SRSF6: variants seen among roughly 807,000 people sequenced by gnomAD.
SRSF6 encodes serine and arginine rich splicing factor 6.
A neutral mutation model predicts 42.0 loss-of-function variants in SRSF6; 17 were observed. That is an observed-to-expected ratio of 0.40 (90% CI 0.28 to 0.61). The LOEUF (loss-of-function observed/expected upper bound fraction) is 0.61, where lower values mean the gene tolerates loss of function less well. Ranked by LOEUF, SRSF6 falls within the 20% of genes least tolerant of loss-of-function variation. SRSF6 has a pLI of 0.37. For synonymous variants in SRSF6, 204 were observed against 166.7 expected, an observed-to-expected ratio of 1.22 and a Z score of -1.72; for missense variants, 379 against 471.4, an observed-to-expected ratio of 0.80 and a Z score of 1.81.
Position 43,461,334 on chromosome 20 carries a change from GTTGTTTTTTTTTTT to G in SRSF6, c.*274_*287del, listed in dbSNP as rs1474635919. 940 of 56,464 alleles carry G rather than the reference GTTGTTTTTTTTTTT, an allele frequency of 0.017. 54 individuals carry two copies. The highest frequency in any genetic ancestry group is 0.03 in the African/African-American group (405 of 13,574). The allele number at this position is 56,464 out of a possible 1,614,324, so 3.5% of individuals were successfully genotyped here. ...TTTGTAAAGATTAAGCTCATTTAGT[GTTGTTTTTTTTTTT>G]TTTTTTTTTTTTTTTTTTTTTTTTT... On this transcript the variant is annotated 3_prime_UTR_variant, in exon 6 of 6. Transcript: ENST00000244020.
chr20:43,458,744 C>T (rs1226056742), intron 2 of SRSF6, among the ~76,000 whole-genome samples: 1 of 152,168 alleles, frequency 6.6e-6, no homozygotes, highest in Admixed American at 6.5e-5. Context: ...GTGGCTTCTT[C>T]TGGCCCCTTG....
intron 1 of SRSF6, 54 bp downstream of exon 1, chr20:43,458,194 A>G: frequency 6.3e-7 from 1 of 1,575,372 alleles, no homozygotes; most frequent in Admixed American, 1.8e-5. Flanking sequence ...TGGCGGCGGG[A>G]ACTCTCCAAG....
chr20:43,458,815 C>T (rs1362034383), intron 2 of SRSF6, among the ~76,000 whole-genome samples: 2 of 148,594 alleles, frequency 1.3e-5, no homozygotes, highest in East Asian at 3.9e-4. Context: ...TTGTTGTATT[C>T]TCCTTACTTA....
Position 43,461,757 on chromosome 20 carries a change from ATAAAAG to A in SRSF6, c.*695_*700del, listed in dbSNP as rs2017604860. The A allele has an allele frequency of 6.6e-6, 1 of 152,656 alleles. No homozygotes were observed. The highest frequency in any genetic ancestry group is 2.1e-4 in the South Asian group (1 of 4,834). The allele number at this position is 152,656 out of a possible 1,614,324, so 9.5% of individuals were successfully genotyped here. ...TGCCCCTTTAACAAGTTGAGTAAAA[ATAAAAG>A]GTATTTTTTAGTCAATGTGTTCCAT... On this transcript the variant is annotated 3_prime_UTR_variant, in exon 6 of 6. Coordinates refer to ENST00000244020, the MANE Select transcript of SRSF6 (RefSeq NM_006275.6).
chr20:43,457,948 C>T lies in SRSF6; in HGVS notation c.-86C>T, dbSNP rs1219347523. The T allele has an allele frequency of 2.6e-6, 3 of 1,168,826 alleles. No homozygotes were observed. Among genetic ancestry groups the T allele is most frequent in the Non-Finnish European group, 2.5e-6 (2 of 804,586 alleles). 72.4% of individuals were successfully genotyped at this position (1,168,826 alleles called of 1,614,324 possible). A position where few individuals can be genotyped will look rare whatever the true frequency, so the allele number is the denominator to read the frequency against. On this transcript the variant is annotated 5_prime_UTR_variant, in exon 1 of 6. Coordinates refer to ENST00000244020, the MANE Select transcript of SRSF6 (RefSeq NM_006275.6). The stretch of plus-strand genomic sequence containing the variant: ...GTGGTGTGAGGCGCGTGTTCGGGCT[C>T]TTGCCGTCCCCGCACCCGCACCGCG...
At position 43,460,861 on chromosome 20, in the gene SRSF6, C is replaced by G; in HGVS notation, c.833C>G (p.Ser278Cys). 6.2e-7 allele frequency: 1 copy of G among 1,614,098 alleles called. No homozygotes were observed. Among genetic ancestry groups the G allele is most frequent in the Non-Finnish European group, 8.5e-7 (1 of 1,180,020 alleles). ...EYEKSRSRSR[S>C]RSPKENGKGD... ...GAGAAATCTCGAAGCAGGTCTCGGTCCCGATCCCCTAAAGAAAATGGAAAG... is the reference window on the plus strand; with the variant it reads ...GAGAAATCTCGAAGCAGGTCTCGGTGCCGATCCCCTAAAGAAAATGGAAAG... Residue 278 changes from serine (S) to cysteine (C), a missense_variant, in exon 6 of 6, where the codon TCC becomes TGC. Physicochemically the swap from Ser to Cys is moderately radical, Grantham distance 112. Around this residue, in one of 3 missense-constraint regions of SRSF6, gnomAD observed 219 missense variants for 216.1 expected, o/e 1.01. Coordinates refer to ENST00000244020, the MANE Select transcript of SRSF6 (RefSeq NM_006275.6).
At chr20:43,460,311 T>G in intron 4 of SRSF6, 70 bp downstream of exon 4, 4 of 1,530,230 alleles carry the variant, frequency 2.6e-6, no homozygotes, top group Non-Finnish European at 3.6e-6. Flanking sequence ...TTGAGTGATG[T>G]CAATTGTTGC....
Position 43,457,896 on chromosome 20 carries a change from A to G in SRSF6, c.-138A>G, listed in dbSNP as rs902930566. On this transcript the variant is annotated 5_prime_UTR_variant, in exon 1 of 6. Coordinates refer to ENST00000244020, the MANE Select transcript of SRSF6 (RefSeq NM_006275.6). ...CGAAAGCCTGGCGCGCGCGCGCGCC[A>G]TTGTGTGGCTGGACTCGGCCGCCCC... 1.9e-5 allele frequency: 12 copies of G among 616,040 alleles called. No individual in the cohort carries two copies. Among genetic ancestry groups the G allele is most frequent in the Admixed American group, 1.6e-4 (5 of 31,540 alleles). 38.2% of individuals were successfully genotyped at this position (616,040 alleles called of 1,614,324 possible).
In SRSF6 at chr20:43,458,357, C is replaced by CT; in HGVS notation, c.108-3dup. On this transcript the variant is annotated splice_region_variant and splice_polypyrimidine_tract_variant and intron_variant, in intron 1 of 5. Transcript: ENST00000244020. ...CGGTTGTCCGGCCCTCGCACCGCCC[C>CT]TAGGTACGGCTTCGTGGAGTTCGAG... The CT allele has an allele frequency of 6.5e-7, 1 of 1,548,628 alleles. No individual in the cohort carries two copies. The highest frequency in any genetic ancestry group is 1.2e-5 in the South Asian group (1 of 84,580).
chr20:43,458,577 C>T lies in SRSF6; in HGVS notation c.256+68C>T, dbSNP rs1023986983. The T allele has an allele frequency of 1.6e-5, 22 of 1,393,176 alleles. No homozygotes were observed. In the Admixed American group the frequency reaches 4.7e-4, roughly 30 times the overall value. The allele number at this position is 1,393,176 out of a possible 1,614,324, so 86.3% of individuals were successfully genotyped here. Reference sequence around the variant, plus strand: ...GGGGCGGGGGTGGGTGGGGTGGGGCCTCCCAGCCCGGGCAGGCGCGAGGGC... The same window carrying T: ...GGGGCGGGGGTGGGTGGGGTGGGGCTTCCCAGCCCGGGCAGGCGCGAGGGC... On this transcript the variant is annotated intron_variant, in intron 2 of 5. Transcript: ENST00000244020.
chr20:43,460,873 A>G lies in SRSF6; in HGVS notation c.845A>G (p.Lys282Arg), dbSNP rs2017575361. 6.2e-7 allele frequency: 1 copy of G among 1,614,158 alleles called. No individual in the cohort carries two copies. The highest frequency in any genetic ancestry group is 8.5e-7 in the Non-Finnish European group (1 of 1,180,020). ...AGCAGGTCTCGGTCCCGATCCCCTAAAGAAAATGGAAAGGGTGATATAAAG... is the reference window on the plus strand; with the variant it reads ...AGCAGGTCTCGGTCCCGATCCCCTAGAGAAAATGGAAAGGGTGATATAAAG... ...SRSRSRSRSP[K>R]ENGKGDIKSK... Residue 282 changes from lysine to arginine, a missense_variant, in exon 6 of 6, where the codon AAA becomes AGA. By Grantham distance (26) the Lys-to-Arg change is conservative. Transcript: ENST00000244020.
Position 43,464,021 on chromosome 20 carries a change from GT to G in SRSF6, c.*2962del, listed in dbSNP as rs1364543079. The G allele has an allele frequency of 6.6e-6, 1 of 152,108 alleles. No individual in the cohort carries two copies. Among genetic ancestry groups the G allele is most frequent in the Non-Finnish European group, 1.5e-5 (1 of 68,018 alleles). 9.4% of individuals were successfully genotyped at this position (152,108 alleles called of 1,614,324 possible). ...TGATCATATAAAAATGCCTTTTTAG[GT>G]TTTCAGTGTTCATGCCCTGAGTAGT... On this transcript the variant is annotated 3_prime_UTR_variant, in exon 6 of 6. Transcript: ENST00000244020.
In SRSF6 at chr20:43,461,334, GTTGTTTTTTTTTTTTT is replaced by G. The variant is rs1441314456; in HGVS notation, c.*274_*289del. 0.016 allele frequency: 894 copies of G among 56,482 alleles called. 48 individuals are homozygous for G. The highest frequency in any genetic ancestry group is 0.018 in the Non-Finnish European group (586 of 31,746). The allele number at this position is 56,482 out of a possible 1,614,324, so 3.5% of individuals were successfully genotyped here. A position where few individuals can be genotyped will look rare whatever the true frequency, so the allele number is the denominator to read the frequency against. On this transcript the variant is annotated 3_prime_UTR_variant, in exon 6 of 6. Coordinates refer to ENST00000244020, the MANE Select transcript of SRSF6 (RefSeq NM_006275.6). ...TTTGTAAAGATTAAGCTCATTTAGT[GTTGTTTTTTTTTTTTT>G]TTTTTTTTTTTTTTTTTTTTTTTTA...
intron 2 of SRSF6, 105 bp downstream of exon 2, chr20:43,458,614 T>C: frequency 8.6e-7 from 1 of 1,165,828 alleles, no homozygotes; most frequent in Admixed American, 3.9e-5. Context: ...GGGGGTCGTT[T>C]GACTTGGGTG....
At chr20:43,458,191 G>A (rs550703634) in intron 1 of SRSF6, 51 bp downstream of exon 1, 8 of 1,577,826 alleles carry the variant, frequency 5.1e-6, no homozygotes, top group Non-Finnish European at 6.9e-6. Flanking sequence ...TGGTGGCGGC[G>A]GGAACTCTCC....
Position 43,458,475 on chromosome 20 carries a change from T to A in SRSF6, c.222T>A (p.Arg74=). The part of the protein sequence containing the change: ...RVIVEHARGP[R]RDRDGYSYGS... ...TCGTAGAGCACGCCCGGGGCCCGCG[T>A]CGCGATCGCGACGGCTACAGCTACG... The change falls in exon 2 of 6, where the codon CGT becomes CGA. Residue 74 remains arginine (R), a synonymous_variant. Coordinates refer to ENST00000244020, the MANE Select transcript of SRSF6 (RefSeq NM_006275.6). The A allele has an allele frequency of 6.6e-7, 1 of 1,511,304 alleles. No individual in the cohort carries two copies. Among genetic ancestry groups the A allele is most frequent in the South Asian group, 1.2e-5 (1 of 81,572 alleles). The allele number at this position is 1,511,304 out of a possible 1,614,324, so 93.6% of individuals were successfully genotyped here. A position where few individuals can be genotyped will look rare whatever the true frequency, so the allele number is the denominator to read the frequency against.
chr20:43,460,274 C>T (rs1437372344), intron 4 of SRSF6, 33 bp downstream of exon 4: 1 of 1,601,550 alleles, frequency 6.2e-7, no homozygotes, highest in South Asian at 1.1e-5. Flanking sequence ...GGGAAGGAAA[C>T]AATATTTGCC....
At position 43,460,209 on chromosome 20, in the gene SRSF6, C is replaced by T. The variant is rs752947409; in HGVS notation, c.558C>T (p.Ser186=). The T allele has an allele frequency of 2.5e-6, 4 of 1,614,100 alleles. No individual in the cohort carries two copies. In the Admixed American group the frequency reaches 6.7e-5, roughly 27 times the overall value. Residue 186 remains serine, a synonymous_variant, in exon 4 of 6, where the codon AGC becomes AGT. Coordinates refer to ENST00000244020, the MANE Select transcript of SRSF6 (RefSeq NM_006275.6). ...TTATTGAAGATAAGCCACGCACAAG[C>T]CATAGGCGATCTTACTCTGGAAGCA... ...IRLIEDKPRT[S]HRRSYSGSRS...
chr20:43,461,337 G>GTTTTTGTTTTTTTT lies in SRSF6; in HGVS notation c.*279_*280insGTTTTTTTTTTTTT, dbSNP rs2017589758. 1 of 43,768 alleles carries GTTTTTGTTTTTTTT rather than the reference G, an allele frequency of 2.3e-5. No homozygotes were observed. The highest frequency in any genetic ancestry group is 8.2e-5 in the African/African-American group (1 of 12,192). The allele number at this position is 43,768 out of a possible 1,614,324, so 2.7% of individuals were successfully genotyped here. ...GTAAAGATTAAGCTCATTTAGTGTTGTTTTTTTTTTTTTTTTTTTTTTTTT... is the reference window on the plus strand; with the variant it reads ...GTAAAGATTAAGCTCATTTAGTGTTGTTTTTGTTTTTTTTTTTTTTTTTTTTTTTTTTTTTTTTT... On this transcript the variant is annotated 3_prime_UTR_variant, in exon 6 of 6. Transcript: ENST00000244020.
Sources: gnomAD v4.1 joint callset for allele counts (sites outside exome capture counted in the v4.1 genomes callset) on GRCh38, gnomAD v4.1.1 for gene constraint, gnomAD v4.1.1 regional missense constraint, MANE v1.5 for transcripts, NCBI Gene and HGNC (gene_info 2026-07-23, HGNC 2026-07-21) for gene names.